Variants in CA6 observed in about 807,000 individuals in gnomAD.
The protein encoded by CA6 is carbonate dehydratase VI.
Under a neutral mutation model 35.9 loss-of-function variants are expected in CA6, and 28 were observed. That is an observed-to-expected ratio of 0.78 (90% CI 0.58 to 1.07). CA6 has a LOEUF of 1.07. Among genes scored for constraint, CA6 ranks in the 50% least tolerant of loss-of-function variants. The pLI, the probability that CA6 is intolerant of heterozygous loss-of-function variation, is 0.00. For missense variants in CA6, 377 were observed against 382.0 expected, an observed-to-expected ratio of 0.99 and a Z score of 0.11; for synonymous variants, 148 against 152.6, an observed-to-expected ratio of 0.97 and a Z score of 0.22.
At chr1:8,958,293 G>A (rs996341638) in intron 3 of CA6, among the ~76,000 whole-genome samples, 3 of 151,966 alleles carry the variant, frequency 2.0e-5, no homozygotes, top group Non-Finnish European at 2.9e-5. Flanking sequence ...TCACCCACCC[G>A]AGAAGCTGGG....
In CA6 at chr1:8,945,891, G is replaced by A. The variant is rs1639348881; in HGVS notation, c.5G>A (p.Arg2Lys). Residue 2 changes from arginine to lysine, a missense_variant, in exon 1 of 8, where the codon AGG (arginine) becomes AAG (lysine). By Grantham distance (26) the Arg-to-Lys change is conservative. Transcript: ENST00000377443. M[R>K]ALVLLLSLFL... ...TCATTACAGATGTGCAGCACCATGA[G>A]GGCCCTGGTGCTTCTGCTGTCCCTG... 2 of 1,608,340 alleles carry A rather than the reference G, an allele frequency of 1.2e-6. No individual in the cohort carries two copies. Among genetic ancestry groups the A allele is most frequent in the Non-Finnish European group, 1.7e-6 (2 of 1,174,850 alleles).
At chr1:8,969,099 A>G (rs949029487) in intron 6 of CA6, among the ~76,000 whole-genome samples, 2 of 151,858 alleles carry the variant, frequency 1.3e-5, no homozygotes, top group Admixed American at 6.6e-5. Flanking sequence ...GTGGATCACG[A>G]GGTCAGGGGT....
intron 4 of CA6, among the ~76,000 whole-genome samples, chr1:8,959,829 G>A (rs1639788453): frequency 6.6e-6 from 1 of 151,556 alleles, no homozygotes; most frequent in Admixed American, 6.6e-5. Flanking sequence ...CTACTTGGGA[G>A]GCTGAGGCAG....
intron 6 of CA6, among the ~76,000 whole-genome samples, chr1:8,970,425 A>C (rs1640078106): frequency 6.8e-6 from 1 of 147,780 alleles, no homozygotes; most frequent in Admixed American, 6.8e-5. Context: ...AGCACCCAGA[A>C]CCTCCCCTGG....
At position 8,973,585 on chromosome 1, in the gene CA6, T is replaced by A. The variant is rs574567030; in HGVS notation, c.845-1037T>A. ...AGGATCGATTACTTCAACTCCCAGT[T>A]CAGCATCAGAGGGCTTCCTTACCCC... On this transcript the variant is annotated intron_variant, in intron 7 of 7. Transcript: ENST00000377443. 7.9e-5 allele frequency among the ~76,000 whole-genome samples: 12 copies of A among 152,262 alleles called. 1 individual carries two copies. In the South Asian group the frequency reaches 2.3e-3, roughly 29 times the overall value.
intron 2 of CA6, chr1:8,951,386 A>T (rs759554738): frequency 3.2e-5 from 24 of 743,738 alleles, no homozygotes; most frequent in South Asian, 2.5e-4. Flanking sequence ...CATAATGTCG[A>T]GCTCTTGTTT....
intron 7 of CA6, among the ~76,000 whole-genome samples, chr1:8,973,710 CTCTTTCTTTCTTTCTTTCTTTCTTTCTT>C (rs1173408031): frequency 1.9e-5 from 2 of 106,428 alleles, no homozygotes; most frequent in Non-Finnish European, 3.8e-5. Flanking sequence ...TTCTTTCTCT[CTCTTTCTTTCTTTCTTTCTTTCTTTCTT>C]TCTTTCTTTC....
intron 2 of CA6, among the ~76,000 whole-genome samples, chr1:8,953,526 C>T (rs72641561): frequency 0.089 from 13,534 of 152,128 alleles, 771 homozygotes; most frequent in East Asian, 0.17. Context: ...GGTTGAGGTG[C>T]GAGGCTCACT....
chr1:8,959,474 CT>C (rs1639777580), intron 4 of CA6, among the ~76,000 whole-genome samples: 1 of 144,414 alleles, frequency 6.9e-6, no homozygotes, highest in Admixed American at 6.7e-5. Flanking sequence ...GCCACCACGT[CT>C]GGCTAATTTT....
intron 2 of CA6, among the ~76,000 whole-genome samples, chr1:8,953,515 A>G (rs1452941737): frequency 1.3e-5 from 2 of 152,100 alleles, no homozygotes; most frequent in Non-Finnish European, 2.9e-5. Context: ...GCTACATAGG[A>G]GGTTGAGGTG....
intron 1 of CA6, among the ~76,000 whole-genome samples, chr1:8,946,327 C>A (rs892694620): frequency 6.6e-6 from 1 of 151,978 alleles, no homozygotes; most frequent in African/African-American, 2.4e-5. Context: ...CCATTGCGCC[C>A]GGCCAAGAGT....
Position 8,957,258 on chromosome 1 carries a change from C to G in CA6, c.381C>G (p.Thr127=). 1 of 1,613,814 alleles carries G rather than the reference C, an allele frequency of 6.2e-7. No individual in the cohort carries two copies. Among genetic ancestry groups the G allele is most frequent in the Non-Finnish European group, 8.5e-7 (1 of 1,179,836 alleles). ...CGGAGATCAGCGGCTCTGAGCACAC[C>G]GTGGACGGGATCAGACATGTGATCG... is the stretch of plus-strand genomic sequence containing the variant. ...ASSEISGSEH[T]VDGIRHVIEI... Residue 127 remains threonine (T), a synonymous_variant, in exon 3 of 8, where the codon ACC becomes ACG. Coordinates refer to ENST00000377443, the MANE Select transcript of CA6 (RefSeq NM_001215.4).
At chr1:8,967,227 T>C (rs1300534345) in intron 5 of CA6, among the ~76,000 whole-genome samples, 1 of 152,164 alleles carries the variant, frequency 6.6e-6, no homozygotes, top group Non-Finnish European at 1.5e-5. Flanking sequence ...CCAGGGGCCA[T>C]ATTTATTTCT....
intron 5 of CA6, among the ~76,000 whole-genome samples, chr1:8,964,221 C>G (rs908594741): frequency 2.6e-5 from 4 of 152,132 alleles, no homozygotes; most frequent in African/African-American, 9.7e-5. Context: ...TCTCCCTGGT[C>G]TTCTGCATCG....
At position 8,974,658 on chromosome 1, in the gene CA6, A is replaced by T; in HGVS notation, c.881A>T (p.His294Leu). Residue 294 changes from histidine to leucine, a missense_variant, in exon 8 of 8, where the codon CAT becomes CTT. By Grantham distance (99) the His-to-Leu change is moderately conservative. Coordinates refer to ENST00000377443, the MANE Select transcript of CA6 (RefSeq NM_001215.4). ...GGCTCTGAATTCCAGTTTTACCTAC[A>T]TAAGATTGAGGAAATTCTTGACTAC... ...TLGSEFQFYL[H>L]KIEEILDYLR... 6.2e-7 allele frequency: 1 copy of T among 1,606,078 alleles called. No homozygotes were observed. Among genetic ancestry groups the T allele is most frequent in the Non-Finnish European group, 8.5e-7 (1 of 1,176,088 alleles).
intron 1 of CA6, among the ~76,000 whole-genome samples, chr1:8,947,533 TG>T (rs1178043103): frequency 2.6e-5 from 4 of 152,060 alleles, no homozygotes; most frequent in African/African-American, 9.7e-5. Flanking sequence ...CTCGGAAGCC[TG>T]GGGCATTCTG....
Position 8,957,152 on chromosome 1 carries a change from C to T in CA6, c.275C>T (p.Pro92Leu). The T allele has an allele frequency of 6.2e-7, 1 of 1,611,100 alleles. No individual in the cohort carries two copies. Among genetic ancestry groups the T allele is most frequent in the Non-Finnish European group, 8.5e-7 (1 of 1,178,078 alleles). Residue 92 changes from proline to leucine, a missense_variant, in exon 3 of 8, where the codon CCC becomes CTC. By Grantham distance (98) the Pro-to-Leu change is moderately conservative. Coordinates refer to ENST00000377443, the MANE Select transcript of CA6 (RefSeq NM_001215.4). ...NNGHTVQISL[P>L]STMRMTVADG... ...GTCTCTCCAGTGCAGATCAGCCTGC[C>T]CTCCACCATGCGCATGACAGTGGCT...
At chr1:8,964,450 G>A (rs998579966) in intron 5 of CA6, among the ~76,000 whole-genome samples, 4 of 152,104 alleles carry the variant, frequency 2.6e-5, no homozygotes, top group Non-Finnish European at 4.4e-5. Flanking sequence ...GTTTCACCAT[G>A]TTGGCCAGGA....
intron 4 of CA6, among the ~76,000 whole-genome samples, chr1:8,959,960 G>A (rs551080569): frequency 9.0e-6 from 1 of 110,984 alleles, no homozygotes. Context: ...AGCTGGGCGC[G>A]ATGGCTCATG....
Sources: gnomAD v4.1 joint callset for allele counts (sites outside exome capture counted in the v4.1 genomes callset) on GRCh38, gnomAD v4.1.1 for gene constraint, MANE v1.5 for transcripts, NCBI Gene and HGNC (gene_info 2026-07-23, HGNC 2026-07-21) for gene names.